MYO18B: variants seen among roughly 807,000 people sequenced by gnomAD.
MYO18B encodes the protein unconventional myosin-XVIIIb.
Under a neutral mutation model 273.0 loss-of-function variants are expected in MYO18B, and 204 were observed. The ratio of observed to expected loss-of-function variants is 0.75; its 90% CI spans 0.67 to 0.84. The LOEUF is 0.84. MYO18B is among the 40% of genes least tolerant of loss of function. The pLI, the probability that MYO18B is intolerant of heterozygous loss-of-function variation, is 0.00. For synonymous variants in MYO18B, 1,330 were observed against 1,305.7 expected, an observed-to-expected ratio of 1.02 and a Z score of -0.40; for missense variants, 3,212 against 3,287.6, an observed-to-expected ratio of 0.98 and a Z score of 0.56.
chr22:26,062,723 C>G, the MYO18B span, among the ~76,000 whole-genome samples: 1 of 152,180 alleles, frequency 6.6e-6, no homozygotes, highest in Non-Finnish European at 1.5e-5. Flanking sequence ...TCTTCTGGCT[C>G]AAAGTACATG....
At position 26,028,751 on chromosome 22, in the gene MYO18B, G is replaced by A. The variant is rs187084022; in HGVS notation, c.*12+1061G>A. On this transcript the variant is annotated intron_variant, in intron 43 of 43. Coordinates refer to ENST00000335473, the MANE Select transcript of MYO18B (RefSeq NM_032608.7). ...CCACTAAAAAAAAATAGCAGAGCGT[G>A]GTAGCGGGTGCCTGTAGTCCCAGCT... Among the ~76,000 whole-genome samples the A allele has an allele frequency of 4.1e-3, 617 of 152,230 alleles. 2 individuals carry two copies. The highest frequency in any genetic ancestry group is 6.5e-3 in the Admixed American group (100 of 15,302).
chr22:25,857,426 A>G (rs1206239339), intron 21 of MYO18B, among the ~76,000 whole-genome samples: 1 of 152,192 alleles, frequency 6.6e-6, no homozygotes, highest in African/African-American at 2.4e-5. Context: ...AAAGGCAGCC[A>G]CTGTTATTCT....
intron 7 of MYO18B, among the ~76,000 whole-genome samples, chr22:25,773,646 G>A (rs556915310): frequency 2.6e-5 from 4 of 152,274 alleles, no homozygotes; most frequent in African/African-American, 7.2e-5. Context: ...TGTATTTTTA[G>A]TAGAGATGGG....
intron 20 of MYO18B, among the ~76,000 whole-genome samples, chr22:25,848,329 T>C (rs1388543377): frequency 6.6e-6 from 1 of 152,054 alleles, no homozygotes; most frequent in Non-Finnish European, 1.5e-5. Context: ...CACTGGGAGT[T>C]TGGGGAAAGC....
Position 25,790,045 on chromosome 22 carries a change from C to T in MYO18B, c.2376+4554C>T, listed in dbSNP as rs371413532. 1.5e-3 allele frequency among the ~76,000 whole-genome samples: 223 copies of T among 152,084 alleles called. 10 individuals are homozygous for T. In the South Asian group the frequency reaches 0.043, roughly 29 times the overall value. ...GCGGGTGCCTGTAATCTCAGCTACT[C>T]AGGAGGCTGAGGCAGGAGAATCGCC... On this transcript the variant is annotated intron_variant, in intron 11 of 43. Transcript: ENST00000335473.
chr22:25,794,755 C>T (rs1466579999), intron 11 of MYO18B, among the ~76,000 whole-genome samples: 2 of 152,220 alleles, frequency 1.3e-5, no homozygotes, highest in African/African-American at 2.4e-5. Context: ...CCATCCATCT[C>T]GGCCTCCCAA....
At chr22:25,803,304 A>G (rs2088307256) in intron 12 of MYO18B, among the ~76,000 whole-genome samples, 1 of 152,198 alleles carries the variant, frequency 6.6e-6, no homozygotes, top group Non-Finnish European at 1.5e-5. Flanking sequence ...TGCAAGAGTC[A>G]TCTATTTTGT....
intron 34 of MYO18B, among the ~76,000 whole-genome samples, chr22:25,922,723 A>T (rs2092365831): frequency 6.6e-6 from 1 of 152,172 alleles, no homozygotes; most frequent in Non-Finnish European, 1.5e-5. Flanking sequence ...ACAGCCCATG[A>T]TGACCAACAG....
chr22:25,953,388 C>T (rs1464387973), intron 38 of MYO18B: 5 of 152,254 alleles, frequency 3.3e-5, no homozygotes, highest in Non-Finnish European at 7.3e-5. Context: ...ACCTGACCTT[C>T]ACTTCCTCCT....
chr22:25,818,915 G>T (rs544198839), intron 12 of MYO18B, among the ~76,000 whole-genome samples: 1 of 152,074 alleles, frequency 6.6e-6, no homozygotes, highest in East Asian at 1.9e-4. Flanking sequence ...CAAAAAGGCC[G>T]TGTACCTGGC....
rs35841570 is a variant in MYO18B, at chr22:25,778,796, C to CTT, written c.2068+1026_2068+1027dup. Among the ~76,000 whole-genome samples, 389 of 146,786 alleles carry CTT rather than the reference C, an allele frequency of 2.7e-3. 11 individuals are homozygous for CTT. In the South Asian group the frequency reaches 0.049, roughly 18 times the overall value. On this transcript the variant is annotated intron_variant, in intron 8 of 43. Transcript: ENST00000335473. ...TGTGAGTCACTGTGCCCAACCTGAACTTTTTTTTTTTTAATCTAAAACAGC... is the reference window on the plus strand; with the variant it reads ...TGTGAGTCACTGTGCCCAACCTGAACTTTTTTTTTTTTTTAATCTAAAACAGC...
intron 42 of MYO18B, among the ~76,000 whole-genome samples, chr22:26,014,994 A>G (rs1460816099): frequency 6.6e-6 from 1 of 151,152 alleles, no homozygotes; most frequent in Non-Finnish European, 1.5e-5. Context: ...ATTTTCTCCC[A>G]TTCTGTAGGT....
In MYO18B at chr22:25,903,831, G is replaced by C. The variant is rs2091986819; in HGVS notation, c.5148G>C (p.Gln1716His). Residue 1716 changes from glutamine to histidine, a missense_variant and splice_region_variant, in exon 31 of 44, where the codon CAG becomes CAC. Coordinates refer to ENST00000335473, the MANE Select transcript of MYO18B (RefSeq NM_032608.7). ...AAAACACCATCAAGCAGCTGGAGCA[G>C]GTAGGAAAGCCCTGTCTCAGGGCAA... ...QQENTIKQLE[Q>H]LRQRFELEIE... The C allele has an allele frequency of 6.3e-7, 1 of 1,594,154 alleles. No individual in the cohort carries two copies. The highest frequency in any genetic ancestry group is 1.3e-5 in the African/African-American group (1 of 74,288).
chr22:25,955,273 A>G lies in MYO18B; in HGVS notation c.6065A>G (p.Gln2022Arg). 6.2e-7 allele frequency: 1 copy of G among 1,613,798 alleles called. No individual in the cohort carries two copies. The highest frequency in any genetic ancestry group is 1.1e-5 in the South Asian group (1 of 91,030). ...GAGTCCCAGCAGCGGGAGAGCAGCC[A>G]GTACTACCAGCGGCGCCTGGAAGAG... The part of the protein sequence containing the change: ...TSESQQRESS[Q>R]YYQRRLEELK... Residue 2022 changes from glutamine to arginine, a missense_variant, in exon 39 of 44, where the codon CAG (glutamine) becomes CGG (arginine). Transcript: ENST00000335473.
intron 40 of MYO18B, among the ~76,000 whole-genome samples, chr22:25,998,263 A>G (rs114918678): frequency 0.01 from 1,563 of 152,234 alleles, 26 homozygotes; most frequent in African/African-American, 0.036. Flanking sequence ...CCCAGGCCTA[A>G]AGTATGCTCA....
At chr22:26,060,650 C>A in the MYO18B span, among the ~76,000 whole-genome samples, 1 of 152,092 alleles carries the variant, frequency 6.6e-6, no homozygotes, top group African/African-American at 2.4e-5. Context: ...TACACACATC[C>A]ACACATTTAT....
chr22:26,030,406 G>C (rs932470253), intron 43 of MYO18B, 37 bp from the exon 44 acceptor site: 1 of 153,382 alleles, frequency 6.5e-6, no homozygotes, highest in Non-Finnish European at 1.5e-5. Context: ...CCCATCCTTT[G>C]TCCCATTCAT....
chr22:26,043,425 G>A, the MYO18B span, among the ~76,000 whole-genome samples: 1 of 151,036 alleles, frequency 6.6e-6, no homozygotes, highest in African/African-American at 2.4e-5. Flanking sequence ...ATACCTAGTT[G>A]TATTTGTCTA....
chr22:25,774,350 T>C (rs1256485172), intron 7 of MYO18B, among the ~76,000 whole-genome samples: 1 of 152,156 alleles, frequency 6.6e-6, no homozygotes, highest in East Asian at 1.9e-4. Context: ...TGCTTAGGCT[T>C]CTGTTGCTGC....
Sources: gnomAD v4.1 joint callset for allele counts (sites outside exome capture counted in the v4.1 genomes callset) on GRCh38, gnomAD v4.1.1 for gene constraint, MANE v1.5 for transcripts, NCBI Gene and HGNC (gene_info 2026-07-23, HGNC 2026-07-21) for gene names.